The following MAD1L1 variants were observed in gnomAD, a reference collection of about 807,000 sequenced individuals.
MAD1L1 encodes the protein mitotic arrest deficient 1 like 1, also known as mitotic spindle assembly checkpoint protein MAD1.
MAD1L1 carries 95 observed loss-of-function variants against 96.9 expected under a neutral mutation model. The observed-to-expected ratio is 0.98, with a 90% CI of 0.83 to 1.16. The LOEUF is 1.16. Among genes scored for constraint, MAD1L1 ranks in the 50% most tolerant of loss-of-function variants. MAD1L1 has a pLI of 0.00. For missense variants in MAD1L1, 1,007 were observed against 954.4 expected, an observed-to-expected ratio of 1.06 and a Z score of -0.73; for synonymous variants, 473 against 396.6, an observed-to-expected ratio of 1.19 and a Z score of -2.29.
chr7:2,132,966 T>C (rs1788588993), intron 11 of MAD1L1, among the ~76,000 whole-genome samples: 1 of 152,246 alleles, frequency 6.6e-6, no homozygotes, highest in Admixed American at 6.5e-5. Flanking sequence ...GAGAGATGAT[T>C]GTTACAGGGA....
chr7:2,180,771 A>G (rs534884990), intron 10 of MAD1L1, among the ~76,000 whole-genome samples: 1 of 152,280 alleles, frequency 6.6e-6, no homozygotes, highest in East Asian at 1.9e-4. Context: ...GAACTTGTTT[A>G]TTAGCTCTAA....
At chr7:2,027,784 C>T (rs1264460873) in intron 12 of MAD1L1, among the ~76,000 whole-genome samples, 2 of 152,184 alleles carry the variant, frequency 1.3e-5, no homozygotes, top group African/African-American at 4.8e-5. Context: ...ATGTTGAAAG[C>T]TTTTCTTCTG....
intron 10 of MAD1L1, among the ~76,000 whole-genome samples, chr7:2,209,227 C>G (rs1377565904): frequency 6.6e-6 from 1 of 152,200 alleles, no homozygotes. Context: ...GCCCAGCCTC[C>G]TCTCCTAAGA....
intron 14 of MAD1L1, among the ~76,000 whole-genome samples, chr7:1,992,952 G>A (rs1172215479): frequency 3.3e-5 from 5 of 152,194 alleles, no homozygotes; most frequent in African/African-American, 4.8e-5. Context: ...GCAGAGACAC[G>A]ACAAGTTTAA....
At chr7:1,974,766 A>C (rs1369785224) in intron 15 of MAD1L1, among the ~76,000 whole-genome samples, 3 of 152,280 alleles carry the variant, frequency 2.0e-5, no homozygotes, top group Non-Finnish European at 2.9e-5. Context: ...GAAGGGCGTG[A>C]GACGCCAGAA....
At chr7:1,989,696 C>T (rs1328584131) in intron 14 of MAD1L1, among the ~76,000 whole-genome samples, 1 of 152,058 alleles carries the variant, frequency 6.6e-6, no homozygotes. Flanking sequence ...TCAGCGTGGA[C>T]CAGCCTCAGC....
rs569263288 is a variant in MAD1L1, at chr7:2,103,873, G to C, written c.1074-34535C>G. Among the ~76,000 whole-genome samples the C allele has an allele frequency of 6.6e-6, 1 of 152,292 alleles. No individual in the cohort carries two copies. The highest frequency in any genetic ancestry group is 2.1e-4 in the South Asian group (1 of 4,828). On this transcript the variant is annotated intron_variant, in intron 11 of 18. Coordinates refer to ENST00000265854, the MANE Select transcript of MAD1L1 (RefSeq NM_001013836.2). The surrounding 1 kb of genome is among the most constrained non-coding windows in gnomAD (Gnocchi z 4.3). Reference sequence around the variant, plus strand: ...TGGGGTGGGAAAAGGCAAGGAATGCGGGGAGACCACCAGTTCTGATGCCAC... The same window carrying C: ...TGGGGTGGGAAAAGGCAAGGAATGCCGGGAGACCACCAGTTCTGATGCCAC...
chr7:2,145,409 G>A (rs148966314), intron 11 of MAD1L1, among the ~76,000 whole-genome samples: 44 of 152,346 alleles, frequency 2.9e-4, no homozygotes, highest in African/African-American at 1.0e-3. Flanking sequence ...CAGCACAGGT[G>A]CCACCGTGGG....
intron 17 of MAD1L1, among the ~76,000 whole-genome samples, chr7:1,914,880 T>A (rs910774664): frequency 6.6e-6 from 1 of 152,190 alleles, no homozygotes; most frequent in South Asian, 2.1e-4. Context: ...TCCCAAAGCG[T>A]TGGGATGACA....
At chr7:2,183,623 A>T (rs1355766629) in intron 10 of MAD1L1, among the ~76,000 whole-genome samples, 1 of 152,122 alleles carries the variant, frequency 6.6e-6, no homozygotes, top group African/African-American at 2.4e-5. Flanking sequence ...GAAGCTGGAG[A>T]CTATCATTCT....
chr7:1,972,852 T>C (rs992107550), intron 15 of MAD1L1, among the ~76,000 whole-genome samples: 1 of 152,138 alleles, frequency 6.6e-6, no homozygotes, highest in African/African-American at 2.4e-5. Flanking sequence ...TACTTAGATG[T>C]GTGTATTTCC....
chr7:1,994,182 T>C (rs1002836915), intron 14 of MAD1L1, among the ~76,000 whole-genome samples: 1 of 152,198 alleles, frequency 6.6e-6, no homozygotes, highest in Non-Finnish European at 1.5e-5. Context: ...ACTCATGACA[T>C]GGTGAGCAAC....
intron 15 of MAD1L1, among the ~76,000 whole-genome samples, chr7:1,978,571 T>C (rs950043485): frequency 1.3e-5 from 2 of 152,232 alleles, no homozygotes; most frequent in East Asian, 1.9e-4. Context: ...AGAGACTGCA[T>C]GCTCACCATG....
chr7:1,861,199 G>T (rs1168896790), intron 18 of MAD1L1, among the ~76,000 whole-genome samples: 1 of 152,162 alleles, frequency 6.6e-6, no homozygotes, highest in Non-Finnish European at 1.5e-5. Context: ...CTGGGGCTCG[G>T]CCACGGCTAG....
intron 18 of MAD1L1, among the ~76,000 whole-genome samples, chr7:1,883,283 C>A (rs116618262): frequency 6.6e-6 from 1 of 152,158 alleles, no homozygotes; most frequent in Non-Finnish European, 1.5e-5. Flanking sequence ...CCACCCCTTC[C>A]CCCACCATGA....
At chr7:2,188,098 T>C (rs1791546462) in intron 10 of MAD1L1, among the ~76,000 whole-genome samples, 1 of 152,254 alleles carries the variant, frequency 6.6e-6, no homozygotes, top group Non-Finnish European at 1.5e-5. Context: ...TATTTTCAAA[T>C]GAGCAATGTA....
intron 10 of MAD1L1, among the ~76,000 whole-genome samples, chr7:2,199,695 C>T (rs921147191): frequency 1.2e-4 from 19 of 152,374 alleles, no homozygotes; most frequent in Admixed American, 9.1e-4. Flanking sequence ...GCAGACACAC[C>T]GGGCAGCCAC....
intron 17 of MAD1L1, among the ~76,000 whole-genome samples, chr7:1,932,744 G>T (rs1439386254): frequency 6.6e-6 from 1 of 152,228 alleles, no homozygotes; most frequent in African/African-American, 2.4e-5. Flanking sequence ...AGGGAGCTGC[G>T]TCCTTCCTTC....
intron 10 of MAD1L1, among the ~76,000 whole-genome samples, chr7:2,199,946 C>A (rs1413227564): frequency 6.6e-6 from 1 of 152,228 alleles, no homozygotes; most frequent in Non-Finnish European, 1.5e-5. Flanking sequence ...GGAGAGCCCC[C>A]TGCAGTCACT....
Sources: allele counts gnomAD v4.1 joint callset (sites outside exome capture counted in the v4.1 genomes callset), GRCh38; gene constraint gnomAD v4.1.1; non-coding constraint Gnocchi (gnomAD v3.1); transcripts MANE v1.5; gene names NCBI Gene and HGNC (gene_info 2026-07-23, HGNC 2026-07-21).